The following UNC79 variants were observed in gnomAD, a reference collection of about 807,000 sequenced individuals.
UNC79 encodes protein unc-79 homolog.
UNC79 carries 37 observed loss-of-function variants against 283.1 expected under a neutral mutation model. The ratio of observed to expected loss-of-function variants is 0.13; its 90% CI spans 0.10 to 0.17. The LOEUF is 0.17. Among genes scored for constraint, UNC79 ranks in the 10% least tolerant of loss-of-function variants. UNC79 has a pLI of 1.00. For synonymous variants in UNC79, 1,107 were observed against 1,200.2 expected (o/e 0.92, Z 1.61); for missense variants, 2,272 against 3,211.1 (o/e 0.71, Z 7.07).
intron 7 of UNC79, among the ~76,000 whole-genome samples, chr14:93,506,487 A>C (rs182580025): frequency 1.3e-5 from 2 of 151,934 alleles, no homozygotes; most frequent in African/African-American, 2.4e-5. Context: ...GTATTTCATG[A>C]TTTTCTCATT....
At chr14:93,421,282 T>A (rs10140173) in intron 1 of UNC79, among the ~76,000 whole-genome samples, 1 of 151,330 alleles carries the variant, frequency 6.6e-6, no homozygotes, top group Non-Finnish European at 1.5e-5. Flanking sequence ...CAACTTATAC[T>A]GCAGAAATTC....
At chr14:93,425,851 T>C (rs1211104413), upstream of UNC79, among the ~76,000 whole-genome samples, 3 of 152,154 alleles carry the variant, frequency 2.0e-5, no homozygotes, top group Admixed American at 2.0e-4. Flanking sequence ...CTGGTTAAAC[T>C]TGGCTATGTT....
At chr14:93,565,888 C>G (rs1258356842) in intron 14 of UNC79, among the ~76,000 whole-genome samples, 1 of 152,172 alleles carries the variant, frequency 6.6e-6, no homozygotes, top group East Asian at 1.9e-4. Flanking sequence ...TGAGCCAAGC[C>G]ACCATTTCAA....
At chr14:93,610,973 A>G (rs2066261411) in intron 26 of UNC79, among the ~76,000 whole-genome samples, 1 of 152,156 alleles carries the variant, frequency 6.6e-6, no homozygotes, top group Non-Finnish European at 1.5e-5. Context: ...TTTGCCTTAC[A>G]AGGATTTACA....
intron 8 of UNC79, among the ~76,000 whole-genome samples, chr14:93,525,676 CCTT>C (rs1280372856): frequency 6.6e-6 from 1 of 152,098 alleles, no homozygotes; most frequent in African/African-American, 2.4e-5. Context: ...TTCTTATTAT[CCTT>C]CTTTTCTTCC....
chr14:93,390,670 T>C (rs59328149), intron 1 of UNC79, among the ~76,000 whole-genome samples: 5,128 of 152,292 alleles, frequency 0.034, 305 homozygotes, highest in African/African-American at 0.12. Flanking sequence ...GTCAGCCACA[T>C]ACAGTTGTAA....
At chr14:93,557,635 A>G (rs2141374445) in intron 14 of UNC79, among the ~76,000 whole-genome samples, 1 of 152,272 alleles carries the variant, frequency 6.6e-6, no homozygotes, top group Middle Eastern at 3.4e-3. Context: ...CGCCCTCTGA[A>G]TGGTAGAGAT....
chr14:93,690,250 C>G lies in UNC79; in HGVS notation c.7219C>G (p.His2407Asp). ...GCCCATTCCTCTGGATGCAGGCTCC[C>G]ACGTTGCAGACCATCTTATTGTTAT... Residue 2407 changes from histidine to aspartate, a missense_variant, in exon 45 of 49, where the codon CAC (histidine) becomes GAC (aspartate). Physicochemically the swap from His to Asp is moderately conservative, Grantham distance 81. Around this residue, in one of 11 missense-constraint regions of UNC79, gnomAD observed 225 missense variants for 334.2 expected, o/e 0.67. Transcript: ENST00000555664. The surrounding 1 kb of genome is among the most constrained non-coding windows in gnomAD (Gnocchi z 4.3). 1 of 1,614,190 alleles carries G rather than the reference C, an allele frequency of 6.2e-7. No individual in the cohort carries two copies. The highest frequency in any genetic ancestry group is 1.3e-5 in the African/African-American group (1 of 75,050).
At chr14:93,500,316 T>C (rs1337345384) in intron 7 of UNC79, among the ~76,000 whole-genome samples, 1 of 152,230 alleles carries the variant, frequency 6.6e-6, no homozygotes, top group Non-Finnish European at 1.5e-5. Flanking sequence ...ATCCTTGCAA[T>C]GATATGGTCA....
intron 20 of UNC79, among the ~76,000 whole-genome samples, chr14:93,585,721 A>G (rs1357300634): frequency 1.3e-5 from 2 of 152,088 alleles, no homozygotes; most frequent in Non-Finnish European, 2.9e-5. Context: ...TGCCCCCAGT[A>G]TGGGGGCAAA....
chr14:93,530,287 T>C (rs1366795216), intron 10 of UNC79, among the ~76,000 whole-genome samples: 2 of 152,158 alleles, frequency 1.3e-5, no homozygotes, highest in African/African-American at 4.8e-5. Context: ...AAAATATCTG[T>C]AGGTCAGGTG....
intron 1 of UNC79, among the ~76,000 whole-genome samples, chr14:93,431,771 T>A (rs1013986758): frequency 1.4e-4 from 21 of 152,180 alleles, no homozygotes; most frequent in Admixed American, 3.3e-4. Context: ...TGACTGACTG[T>A]GTGCGTGGTT....
chr14:93,384,180 A>C, intron 1 of UNC79, among the ~76,000 whole-genome samples: 1 of 152,118 alleles, frequency 6.6e-6, no homozygotes, highest in Non-Finnish European at 1.5e-5. Context: ...TATCTCTTAG[A>C]TTTACTTGTT....
chr14:93,592,913 C>A (rs2064802509), intron 22 of UNC79, among the ~76,000 whole-genome samples: 1 of 152,170 alleles, frequency 6.6e-6, no homozygotes, highest in South Asian at 2.1e-4. Context: ...CATAGCCCAA[C>A]TGTGGCTTGG....
At position 93,688,822 on chromosome 14, in the gene UNC79, C is replaced by G; in HGVS notation, c.7067C>G (p.Pro2356Arg). 6.2e-7 allele frequency: 1 copy of G among 1,613,832 alleles called. No individual in the cohort carries two copies. The highest frequency in any genetic ancestry group is 8.5e-7 in the Non-Finnish European group (1 of 1,179,940). ...TATCTGCCTTGGCTTTATCATCCCC[C>G]CTCTGCAATGCAGCAAGGGTAAGAC... Residue 2356 changes from proline (P) to arginine (R), a missense_variant, in exon 44 of 49, where the codon CCC becomes CGC. This residue lies in a region of UNC79 where 225 missense variants were observed against 334.2 expected (regional missense o/e 0.67). Coordinates refer to ENST00000555664, the Ensembl canonical transcript of UNC79. This position sits in a 1 kb window ranked among gnomAD's most constrained non-coding sequence, Gnocchi z 4.0.
At chr14:93,681,509 T>A (rs903924156) in intron 41 of UNC79, among the ~76,000 whole-genome samples, 1 of 152,206 alleles carries the variant, frequency 6.6e-6, no homozygotes, top group African/African-American at 2.4e-5. Context: ...CTCCTAGAGA[T>A]TTACTCTGCG....
At chr14:93,499,294 C>T (rs778570706) in intron 7 of UNC79, among the ~76,000 whole-genome samples, 21 of 152,182 alleles carry the variant, frequency 1.4e-4, no homozygotes, top group Non-Finnish European at 2.4e-4. Context: ...GCACAACATA[C>T]GGAAGCATTA....
intron 1 of UNC79, among the ~76,000 whole-genome samples, chr14:93,421,539 C>T (rs778700455): frequency 1.3e-5 from 2 of 151,544 alleles, no homozygotes; most frequent in Admixed American, 6.6e-5. Flanking sequence ...AAGAATAGTA[C>T]CAGTCCTCTT....
chr14:93,479,541 ACCC>A (rs2058011519), intron 4 of UNC79, among the ~76,000 whole-genome samples: 2 of 148,248 alleles, frequency 1.3e-5, no homozygotes, highest in Non-Finnish European at 3.0e-5. Flanking sequence ...CAGGTGATCC[ACCC>A]GCCTCAGCCT....
Sources: gnomAD v4.1 joint callset for allele counts (sites outside exome capture counted in the v4.1 genomes callset) on GRCh38, gnomAD v4.1.1 for gene constraint, gnomAD v4.1.1 regional missense constraint, Gnocchi (gnomAD v3.1) non-coding constraint, MANE v1.5 for transcripts, NCBI Gene and HGNC (gene_info 2026-07-23, HGNC 2026-07-21) for gene names.